ATE1: variants seen among roughly 807,000 people sequenced by gnomAD.
The protein encoded by ATE1 is arginyl-tRNA--protein transferase 1.
A neutral mutation model predicts 70.5 loss-of-function variants in ATE1; 36 were observed. The ratio of observed to expected loss-of-function variants is 0.51; its 90% CI spans 0.39 to 0.67. ATE1 has a LOEUF of 0.67. Among genes scored for constraint, ATE1 ranks in the 30% least tolerant of loss-of-function variants. The pLI is 0.00. For missense variants in ATE1, 593 were observed against 629.5 expected (o/e 0.94, Z 0.62); for synonymous variants, 232 against 219.3 (o/e 1.06, Z -0.51).
At chr10:121,835,426 A>G (rs4752607) in intron 10 of ATE1, among the ~76,000 whole-genome samples, 88,477 of 148,208 alleles carry the variant, frequency 0.6, 29,916 homozygotes, top group South Asian at 0.78. Context: ...AATCATCCCC[A>G]AATGTAATTA....
chr10:121,776,202 T>C (rs988591828), intron 11 of ATE1, among the ~76,000 whole-genome samples: 1 of 152,192 alleles, frequency 6.6e-6, no homozygotes, highest in African/African-American at 2.4e-5. Context: ...TCCAGTTAAT[T>C]TGAAATGTAC....
intron 11 of ATE1, among the ~76,000 whole-genome samples, chr10:121,764,574 A>G (rs10788205): frequency 0.83 from 126,479 of 151,886 alleles, 53,049 homozygotes; most frequent in Non-Finnish European, 0.89. Context: ...TAAAAAACAA[A>G]CCACAGAATA....
intron 11 of ATE1, among the ~76,000 whole-genome samples, chr10:121,773,627 A>AC (rs1353361931): frequency 1.3e-5 from 2 of 149,928 alleles, no homozygotes; most frequent in Non-Finnish European, 3.0e-5. Context: ...ACATCCAGGG[A>AC]CTTTTTTTTT....
intron 10 of ATE1, among the ~76,000 whole-genome samples, chr10:121,807,964 C>A (rs1361746902): frequency 6.6e-6 from 1 of 152,020 alleles, no homozygotes; most frequent in Non-Finnish European, 1.5e-5. Flanking sequence ...CTATCTGGCC[C>A]CCTACAGAAA....
chr10:121,799,520 A>C (rs745483486), intron 10 of ATE1, among the ~76,000 whole-genome samples: 1 of 152,106 alleles, frequency 6.6e-6, no homozygotes, highest in Non-Finnish European at 1.5e-5. Context: ...GCTCTCAAAT[A>C]CCTGTCCATC....
intron 3 of ATE1, among the ~76,000 whole-genome samples, chr10:121,915,396 G>A (rs181834251): frequency 9.9e-5 from 15 of 152,028 alleles, no homozygotes; most frequent in African/African-American, 3.4e-4. Flanking sequence ...AGTTTAAAAG[G>A]TCCAAAATCT....
chr10:121,899,041 A>C, intron 7 of ATE1: 2 of 1,535,252 alleles, frequency 1.3e-6, no homozygotes, highest in Non-Finnish European at 1.8e-6. Flanking sequence ...AGGTGAGGCT[A>C]CAGTAAGATC....
At chr10:121,772,064 T>G (rs1945541677) in intron 11 of ATE1, among the ~76,000 whole-genome samples, 1 of 152,220 alleles carries the variant, frequency 6.6e-6, no homozygotes, top group South Asian at 2.1e-4. Context: ...GTAAACTCCT[T>G]GAGGGCTGGA....
intron 8 of ATE1, among the ~76,000 whole-genome samples, chr10:121,859,260 A>ATTTTT (rs1308495218): frequency 6.8e-6 from 1 of 146,436 alleles, no homozygotes; most frequent in Admixed American, 6.8e-5. Context: ...ATTTTATTTT[A>ATTTTT]TTTTTTTTTT....
At chr10:121,863,863 C>T (rs1305849022) in intron 8 of ATE1, among the ~76,000 whole-genome samples, 1 of 152,202 alleles carries the variant, frequency 6.6e-6, no homozygotes, top group Non-Finnish European at 1.5e-5. Context: ...ATCCTCCTGC[C>T]TCAGCCTCCT....
intron 10 of ATE1, among the ~76,000 whole-genome samples, chr10:121,810,955 C>T (rs763505010): frequency 5.3e-5 from 8 of 152,156 alleles, no homozygotes; most frequent in Non-Finnish European, 1.0e-4. Flanking sequence ...CAAACCTCAG[C>T]CTCCCAAAGT....
chr10:121,851,905 T>C (rs1271088866), intron 8 of ATE1, among the ~76,000 whole-genome samples: 1 of 152,264 alleles, frequency 6.6e-6, no homozygotes, highest in Non-Finnish European at 1.5e-5. Context: ...ATGACCTATG[T>C]GGTATAATAC....
intron 5 of ATE1, among the ~76,000 whole-genome samples, chr10:121,904,304 A>T (rs1951102562): frequency 6.6e-6 from 1 of 151,712 alleles, no homozygotes; most frequent in Non-Finnish European, 1.5e-5. Flanking sequence ...AATGAACATT[A>T]TGCTAGTAAT....
chr10:121,825,272 C>T (rs893268415), intron 10 of ATE1, among the ~76,000 whole-genome samples: 1 of 152,156 alleles, frequency 6.6e-6, no homozygotes, highest in Non-Finnish European at 1.5e-5. Context: ...TGAAAGGACT[C>T]ATTTCTATTG....
intron 7 of ATE1, among the ~76,000 whole-genome samples, chr10:121,882,256 T>A (rs1337022684): frequency 6.6e-6 from 1 of 152,218 alleles, no homozygotes; most frequent in Non-Finnish European, 1.5e-5. Context: ...TATGTTCTTT[T>A]AATTCAGACG....
intron 10 of ATE1, among the ~76,000 whole-genome samples, chr10:121,799,892 T>G (rs543368084): frequency 1.3e-5 from 2 of 152,310 alleles, no homozygotes; most frequent in Non-Finnish European, 1.5e-5. Context: ...GAAAAACCTA[T>G]TATTTACATT....
chr10:121,870,443 TGAG>T (rs1269609502), intron 7 of ATE1, among the ~76,000 whole-genome samples: 1 of 151,868 alleles, frequency 6.6e-6, no homozygotes, highest in Non-Finnish European at 1.5e-5. Flanking sequence ...TATAAACCAA[TGAG>T]GAGACCAACA....
At position 121,911,127 on chromosome 10, in the gene ATE1, T is replaced by C. The variant is rs1281897689; in HGVS notation, c.362A>G (p.Asp121Gly). ...TGCAAAGTCACCCGCAACAGCATCATCCATTGTGGAATCCATGGGCTCATC... is the reference window on the plus strand; with the variant it reads ...TGCAAAGTCACCCGCAACAGCATCACCCATTGTGGAATCCATGGGCTCATC... ...CEDEPMDSTM[D>G]DAVAGDFALI... The change falls in exon 5 of 12, where the codon GAT becomes GGT. Residue 121 changes from aspartate (D) to glycine (G), a missense_variant. Asp to Gly is a moderately conservative substitution (Grantham distance 94). Around this residue, in one of 3 missense-constraint regions of ATE1, gnomAD observed 467 missense variants for 469.6 expected, o/e 0.99. Coordinates refer to ENST00000224652, the MANE Select transcript of ATE1 (RefSeq NM_001001976.3). 1 of 1,608,258 alleles carries C rather than the reference T, an allele frequency of 6.2e-7. No individual in the cohort carries two copies. The highest frequency in any genetic ancestry group is 8.5e-7 in the Non-Finnish European group (1 of 1,178,962).
intron 8 of ATE1, among the ~76,000 whole-genome samples, chr10:121,857,314 T>G (rs1949283710): frequency 6.6e-6 from 1 of 152,228 alleles, no homozygotes; most frequent in Non-Finnish European, 1.5e-5. Context: ...CCCATCTTTA[T>G]GTCCATGTGT....
Sources: allele counts gnomAD v4.1 joint callset (sites outside exome capture counted in the v4.1 genomes callset), GRCh38; gene constraint gnomAD v4.1.1; regional missense constraint gnomAD v4.1.1; transcripts MANE v1.5; gene names NCBI Gene and HGNC (gene_info 2026-07-23, HGNC 2026-07-21).